The following NEDD4L variants were observed in gnomAD, a reference collection of about 807,000 sequenced individuals.
The protein encoded by NEDD4L is E3 ubiquitin-protein ligase NEDD4-like.
A neutral mutation model predicts 148.9 loss-of-function variants in NEDD4L; 54 were observed. That is an observed-to-expected ratio of 0.36 (90% CI 0.29 to 0.45). NEDD4L has a LOEUF of 0.45. Among genes scored for constraint, NEDD4L ranks in the 20% least tolerant of loss-of-function variants. NEDD4L has a pLI of 1.00. For missense variants in NEDD4L, 856 were observed against 1,233.8 expected, an observed-to-expected ratio of 0.69 and a Z score of 4.59; for synonymous variants, 433 against 440.7, an observed-to-expected ratio of 0.98 and a Z score of 0.22.
At chr18:58,048,044 C>T (rs905684831) in intron 1 of NEDD4L, among the ~76,000 whole-genome samples, 1 of 152,230 alleles carries the variant, frequency 6.6e-6, no homozygotes, top group Non-Finnish European at 1.5e-5. Context: ...GCCAGGCTGA[C>T]ATAGGATAAA....
chr18:58,092,670 A>G (rs2084146051), intron 1 of NEDD4L, among the ~76,000 whole-genome samples: 1 of 151,958 alleles, frequency 6.6e-6, no homozygotes, highest in African/African-American at 2.4e-5. Flanking sequence ...GGAGGAGAAG[A>G]CAAGCAGAAG....
intron 2 of NEDD4L, among the ~76,000 whole-genome samples, chr18:58,196,978 A>G (rs759266885): frequency 6.6e-6 from 1 of 152,162 alleles, no homozygotes; most frequent in Non-Finnish European, 1.5e-5. Flanking sequence ...AACTTGAAGC[A>G]TGTCAGAAAG....
intron 5 of NEDD4L, among the ~76,000 whole-genome samples, chr18:58,265,382 C>T (rs2050076602): frequency 1.3e-5 from 2 of 152,032 alleles, no homozygotes; most frequent in African/African-American, 4.8e-5. Flanking sequence ...TGCTGGCCTG[C>T]CTTCCACAAA....
At chr18:58,267,469 G>C (rs1469330677) in intron 5 of NEDD4L, among the ~76,000 whole-genome samples, 3 of 152,048 alleles carry the variant, frequency 2.0e-5, no homozygotes, top group African/African-American at 7.2e-5. Flanking sequence ...GGCAAGGCGG[G>C]AGCTGAGAGG....
chr18:58,269,304 C>T (rs1171851054), intron 5 of NEDD4L, among the ~76,000 whole-genome samples: 2 of 152,014 alleles, frequency 1.3e-5, no homozygotes, highest in African/African-American at 4.8e-5. Context: ...CTCAGAAAAG[C>T]ATTCTAGGTT....
At position 58,169,154 on chromosome 18, in the gene NEDD4L, C is replaced by T. The variant is rs561203037; in HGVS notation, c.122+3293C>T. On this transcript the variant is annotated intron_variant, in intron 2 of 30. Coordinates refer to ENST00000400345, the MANE Select transcript of NEDD4L (RefSeq NM_001144967.3). Reference sequence around the variant, plus strand: ...CTGAAATGCCCTTGTCCTTTTCGGCCGTCTCGGCCCCAGTCCAGTACTTAG... The same window carrying T: ...CTGAAATGCCCTTGTCCTTTTCGGCTGTCTCGGCCCCAGTCCAGTACTTAG... Among the ~76,000 whole-genome samples, 22 of 152,310 alleles carry T rather than the reference C, an allele frequency of 1.4e-4. No homozygotes were observed. In the South Asian group the frequency reaches 3.3e-3, roughly 23 times the overall value.
chr18:58,256,581 C>A lies in NEDD4L; in HGVS notation c.297+4527C>A. 1 of 1,232,300 alleles carries A rather than the reference C, an allele frequency of 8.1e-7. No individual in the cohort carries two copies. The highest frequency in any genetic ancestry group is 1.0e-6 in the Non-Finnish European group (1 of 988,074). 76.3% of individuals were successfully genotyped at this position (1,232,300 alleles called of 1,614,324 possible). On this transcript the variant is annotated intron_variant, in intron 5 of 30. Transcript: ENST00000400345. This position sits in a 1 kb window ranked among gnomAD's most constrained non-coding sequence, Gnocchi z 5.2. ...GCATCGCCTCGAGCTGGCAGGATGG[C>A]TCCTGAAATCCGCAGGACGAACTCC...
chr18:58,289,697 G>A (rs1454146267), intron 5 of NEDD4L, among the ~76,000 whole-genome samples: 8 of 152,104 alleles, frequency 5.3e-5, no homozygotes, highest in African/African-American at 1.7e-4. Context: ...ACTTGACACC[G>A]CATCACCACC....
At chr18:58,375,332 C>T (rs989203401) in intron 24 of NEDD4L, among the ~76,000 whole-genome samples, 1 of 152,018 alleles carries the variant, frequency 6.6e-6, no homozygotes, top group Non-Finnish European at 1.5e-5. Context: ...ACCCTGTTCT[C>T]CAGTGCCCTG....
chr18:58,199,544 G>A (rs1477844074), intron 2 of NEDD4L, among the ~76,000 whole-genome samples: 2 of 152,176 alleles, frequency 1.3e-5, no homozygotes, highest in Admixed American at 6.5e-5. Context: ...ACTTTAGGAG[G>A]CTGGGGCATG....
At chr18:58,163,959 T>A (rs1289904618) in intron 1 of NEDD4L, among the ~76,000 whole-genome samples, 3 of 152,106 alleles carry the variant, frequency 2.0e-5, no homozygotes, top group Non-Finnish European at 4.4e-5. Context: ...TGACTAAACA[T>A]GTTGGGTAAA....
Position 58,282,205 on chromosome 18 carries a change from A to G in NEDD4L, c.297+30151A>G, listed in dbSNP as rs376580719. On this transcript the variant is annotated intron_variant, in intron 5 of 30. Coordinates refer to ENST00000400345, the MANE Select transcript of NEDD4L (RefSeq NM_001144967.3). ...GCATAGTTTGTGCTGGCTTATTTCC[A>G]TTTGTTCGTTGTGTTTATGGTAACC... Among the ~76,000 whole-genome samples the G allele has an allele frequency of 2.3e-4, 35 of 151,270 alleles. No individual in the cohort carries two copies. In the East Asian group the frequency reaches 6.0e-3, roughly 26 times the overall value.
chr18:58,347,539 G>A (rs763732013), intron 16 of NEDD4L, among the ~76,000 whole-genome samples: 32 of 152,220 alleles, frequency 2.1e-4, no homozygotes, highest in Admixed American at 4.6e-4. Context: ...CAGATTATCA[G>A]CTTCTTGGAC....
At chr18:58,365,105 C>T (rs1324368197) in intron 20 of NEDD4L, among the ~76,000 whole-genome samples, 1 of 152,232 alleles carries the variant, frequency 6.6e-6, no homozygotes, top group Non-Finnish European at 1.5e-5. Flanking sequence ...CAGCTGGTTC[C>T]TCCTGCCCGG....
intron 2 of NEDD4L, among the ~76,000 whole-genome samples, chr18:58,191,799 A>G (rs61616046): frequency 0.057 from 8,735 of 152,274 alleles, 821 homozygotes; most frequent in African/African-American, 0.2. Context: ...CAGTGCTTCA[A>G]GGGGAAGCAA....
rs2050701792 is a variant in NEDD4L, at chr18:58,399,345, C to G, written c.*3076C>G. 1 of 152,248 alleles carries G rather than the reference C, an allele frequency of 6.6e-6. No individual in the cohort carries two copies. The highest frequency in any genetic ancestry group is 6.5e-5 in the Admixed American group (1 of 15,290). 9.4% of individuals were successfully genotyped at this position (152,248 alleles called of 1,614,324 possible). Reference sequence around the variant, plus strand: ...CTCTGCAGCCAGTCCTCTAACAAATCTCAAGAACAAAGGTAAGACACTTGG... The same window carrying G: ...CTCTGCAGCCAGTCCTCTAACAAATGTCAAGAACAAAGGTAAGACACTTGG... On this transcript the variant is annotated 3_prime_UTR_variant, in exon 31 of 31. Transcript: ENST00000400345.
At chr18:58,181,349 G>T (rs888539987) in intron 2 of NEDD4L, among the ~76,000 whole-genome samples, 2 of 152,162 alleles carry the variant, frequency 1.3e-5, no homozygotes, top group African/African-American at 4.8e-5. Context: ...GAGATAAAAT[G>T]TTTAGGATTC....
At chr18:58,388,720 A>G (rs1369579299) in intron 27 of NEDD4L, 1 of 207,506 alleles carries the variant, frequency 4.8e-6, no homozygotes, top group East Asian at 1.2e-4. Context: ...ATTCAGAGGA[A>G]TAACCTCTCA....
chr18:58,078,702 C>T (rs2083291158), intron 1 of NEDD4L, among the ~76,000 whole-genome samples: 1 of 152,144 alleles, frequency 6.6e-6, no homozygotes, highest in Non-Finnish European at 1.5e-5. Context: ...AAATAAAGGG[C>T]AGTTCTTTTC....
Sources: allele counts gnomAD v4.1 joint callset (sites outside exome capture counted in the v4.1 genomes callset), GRCh38; gene constraint gnomAD v4.1.1; non-coding constraint Gnocchi (gnomAD v3.1); transcripts MANE v1.5; gene names NCBI Gene and HGNC (gene_info 2026-07-23, HGNC 2026-07-21).